Variants in KATNIP observed in about 807,000 individuals in gnomAD.
KATNIP encodes the protein katanin interacting protein, also known as katanin-interacting protein.
Under a neutral mutation model 174.0 loss-of-function variants are expected in KATNIP, and 126 were observed. That is an observed-to-expected ratio of 0.72 (90% CI 0.63 to 0.84). KATNIP has a LOEUF of 0.84. KATNIP is among the 40% of genes least tolerant of loss of function. The pLI is 0.00. For synonymous variants in KATNIP, 810 were observed against 835.7 expected (o/e 0.97, Z 0.53); for missense variants, 1,958 against 2,109.7 (o/e 0.93, Z 1.41).
At chr16:27,668,053 C>A (rs990705444) in intron 6 of KATNIP, among the ~76,000 whole-genome samples, 2 of 152,154 alleles carry the variant, frequency 1.3e-5, no homozygotes, top group African/African-American at 4.8e-5. Context: ...GGCCTCAAGG[C>A]AGCTTTGTGT....
chr16:27,698,368 C>A lies in KATNIP; in HGVS notation c.981C>A (p.Arg327=), dbSNP rs775936355. ...SRRERPLSAT[R]KTLCEAEYPE... is the part of the protein sequence containing the mutation. ...GAGAGAGACCCCTGTCTGCAACCCGCAAAACTCTTTGCGAGGCTGAGTACC... is the reference window on the plus strand; with the variant it reads ...GAGAGAGACCCCTGTCTGCAACCCGAAAAACTCTTTGCGAGGCTGAGTACC... Residue 327 remains arginine, a synonymous_variant, in exon 9 of 28, where the codon CGC becomes CGA. Transcript: ENST00000261588. The A allele has an allele frequency of 6.2e-7, 1 of 1,612,998 alleles. No individual in the cohort carries two copies. Among genetic ancestry groups the A allele is most frequent in the Non-Finnish European group, 8.5e-7 (1 of 1,179,462 alleles).
In KATNIP at chr16:27,769,911, G is replaced by C. The variant is rs115450895; in HGVS notation, c.4026G>C (p.Glu1342Asp). ...ATGGCCTGTGCGTCTCCCCGCCAGA[G>C]GGCTTTCTCATCCGGAAGGGGCCAG... ...SLDGLCVSPPEGFLIRKGPGN... is the reference protein window; with the variant it reads ...SLDGLCVSPPDGFLIRKGPGN... The change falls in exon 21 of 28, where the codon GAG becomes GAC. Residue 1342 changes from glutamate (E) to aspartate (D), a missense_variant. Transcript: ENST00000261588. 1.2e-3 allele frequency: 1,873 copies of C among 1,614,236 alleles called. 31 individuals carry two copies. In the African/African-American group the frequency reaches 0.023, roughly 20 times the overall value.
intron 7 of KATNIP, 109 bp from the exon 8 acceptor site, chr16:27,681,290 G>T: frequency 1.4e-6 from 2 of 1,393,070 alleles, no homozygotes; most frequent in African/African-American, 1.4e-5. Flanking sequence ...AAGTAGTTCC[G>T]TAGACATTTG....
At position 27,681,383 on chromosome 16, in the gene KATNIP, A is replaced by G; in HGVS notation, c.809-16A>G. The G allele has an allele frequency of 6.2e-7, 1 of 1,614,092 alleles. No individual in the cohort carries two copies. Among genetic ancestry groups the G allele is most frequent in the Non-Finnish European group, 8.5e-7 (1 of 1,179,938 alleles). ...TTGCGCTCAGCGTCTTACATGAAAC[A>G]ATTGTTTTCCTACAGGTCATAAAAG... On this transcript the variant is annotated splice_polypyrimidine_tract_variant and intron_variant, in intron 7 of 27. Transcript: ENST00000261588.
chr16:27,778,460 T>C, intron 27 of KATNIP, 114 bp from the exon 28 acceptor site: 1 of 1,075,652 alleles, frequency 9.3e-7, no homozygotes. Context: ...GCAGGGACTT[T>C]TCCAAGGGCC....
intron 15 of KATNIP, among the ~76,000 whole-genome samples, chr16:27,748,066 T>C (rs1188557118): frequency 6.6e-6 from 1 of 152,098 alleles, no homozygotes; most frequent in East Asian, 1.9e-4. Context: ...GCAGCCGCTG[T>C]TTTTGCAGGA....
chr16:27,728,227 G>A (rs1462230817), intron 14 of KATNIP, among the ~76,000 whole-genome samples: 3 of 152,258 alleles, frequency 2.0e-5, no homozygotes, highest in East Asian at 1.9e-4. Flanking sequence ...TTCCTGAACT[G>A]TGGGCCTCAG....
intron 5 of KATNIP, among the ~76,000 whole-genome samples, chr16:27,631,461 C>T (rs1048545722): frequency 2.0e-5 from 3 of 151,614 alleles, no homozygotes; most frequent in African/African-American, 7.3e-5. Context: ...GGGAGGATTG[C>T]ATGAGCCCAG....
In KATNIP at chr16:27,749,728, T is replaced by C; in HGVS notation, c.2768T>C (p.Ile923Thr). 2 of 1,613,160 alleles carry C rather than the reference T, an allele frequency of 1.2e-6. No individual in the cohort carries two copies. The highest frequency in any genetic ancestry group is 1.7e-6 in the Non-Finnish European group (2 of 1,179,576). The change falls in exon 16 of 28, where the codon ATC (isoleucine) becomes ACC (threonine). Residue 923 changes from isoleucine (I) to threonine (T), a missense_variant. By Grantham distance (89) the Ile-to-Thr change is moderately conservative. Around this residue, in one of 3 missense-constraint regions of KATNIP, gnomAD observed 1,557 missense variants for 1,617.8 expected, o/e 0.96. Coordinates refer to ENST00000261588, the MANE Select transcript of KATNIP (RefSeq NM_015202.5). Reference sequence around the variant, plus strand: ...TCCAACACGGAGCTCCCGGGGGACATCCTGGATGAGCTCCTGCAGCAAAAG... The same window carrying C: ...TCCAACACGGAGCTCCCGGGGGACACCCTGGATGAGCTCCTGCAGCAAAAG... ...RISNTELPGD[I>T]LDELLQQKSS...
chr16:27,588,608 G>A (rs1464296837), intron 2 of KATNIP, among the ~76,000 whole-genome samples: 1 of 152,064 alleles, frequency 6.6e-6, no homozygotes, highest in African/African-American at 2.4e-5. Flanking sequence ...AAGTAGCTGA[G>A]CCACCATGCC....
At chr16:27,674,855 A>G (rs144144768) in intron 6 of KATNIP, among the ~76,000 whole-genome samples, 23 of 152,156 alleles carry the variant, frequency 1.5e-4, no homozygotes, top group African/African-American at 4.6e-4. Flanking sequence ...AAAACTCTCA[A>G]TCCATTACCG....
chr16:27,693,785 C>G (rs1312102333), intron 8 of KATNIP, among the ~76,000 whole-genome samples: 1 of 152,226 alleles, frequency 6.6e-6, no homozygotes, highest in African/African-American at 2.4e-5. Context: ...GGGACGTGCC[C>G]TGGCCTGTAC....
intron 2 of KATNIP, among the ~76,000 whole-genome samples, chr16:27,608,843 C>A (rs538921690): frequency 2.0e-5 from 3 of 152,172 alleles, no homozygotes; most frequent in Non-Finnish European, 4.4e-5. Context: ...AGGTCACTTG[C>A]GCCTCCTCAG....
chr16:27,737,612 G>A (rs1195757657), intron 14 of KATNIP, among the ~76,000 whole-genome samples: 4 of 152,198 alleles, frequency 2.6e-5, no homozygotes, highest in Admixed American at 2.0e-4. Flanking sequence ...AAGTGCAGCC[G>A]AAGAAAAGGA....
chr16:27,569,153 GTTGT>G (rs1398121399), intron 1 of KATNIP, among the ~76,000 whole-genome samples: 1 of 152,122 alleles, frequency 6.6e-6, no homozygotes, highest in Non-Finnish European at 1.5e-5. Context: ...TACTTTACGG[GTTGT>G]TTAAGACTCT....
intron 2 of KATNIP, among the ~76,000 whole-genome samples, chr16:27,607,553 TG>T (rs1453836997): frequency 1.1e-4 from 17 of 151,460 alleles, no homozygotes; most frequent in African/African-American, 3.4e-4. Context: ...TCAAGTGACT[TG>T]GGGGTGTGGA....
chr16:27,618,908 T>C lies in KATNIP; in HGVS notation c.140+407T>C, dbSNP rs115713047. Among the ~76,000 whole-genome samples, 918 of 152,324 alleles carry C rather than the reference T, an allele frequency of 6.0e-3. 12 individuals are homozygous for C. The highest frequency in any genetic ancestry group is 0.021 in the African/African-American group (887 of 41,572). Reference sequence around the variant, plus strand: ...TATGCAAAAATGGAGTCATTTTACATTGGCGTTTGAAGTTGGTCGATAAGT... The same window carrying C: ...TATGCAAAAATGGAGTCATTTTACACTGGCGTTTGAAGTTGGTCGATAAGT... On this transcript the variant is annotated intron_variant, in intron 3 of 27. Transcript: ENST00000261588.
intron 1 of KATNIP, among the ~76,000 whole-genome samples, chr16:27,567,587 G>C (rs376827040): frequency 6.6e-6 from 1 of 152,134 alleles, no homozygotes; most frequent in Non-Finnish European, 1.5e-5. Flanking sequence ...GCAGTGGCAC[G>C]ATCTTGACTC....
In KATNIP at chr16:27,635,023, A is replaced by G. The variant is rs980262228; in HGVS notation, c.408+3861A>G. 3.9e-5 allele frequency among the ~76,000 whole-genome samples: 6 copies of G among 152,248 alleles called. No individual in the cohort carries two copies. The East Asian group carries it at 1.2e-3, about 29-fold the overall frequency. ...CAGGGGGAAGTCACGGGACAGGGAG[A>G]TGAAGAAGCTGTGTTCTCACGCAGA... On this transcript the variant is annotated intron_variant, in intron 5 of 27. Transcript: ENST00000261588.
Sources: allele counts gnomAD v4.1 joint callset (sites outside exome capture counted in the v4.1 genomes callset), GRCh38; gene constraint gnomAD v4.1.1; regional missense constraint gnomAD v4.1.1; transcripts MANE v1.5; gene names NCBI Gene and HGNC (gene_info 2026-07-23, HGNC 2026-07-21).